The following RUNX1T1 variants were observed in gnomAD, a reference collection of about 807,000 sequenced individuals.
RUNX1T1 encodes protein CBFA2T1.
In RUNX1T1, 4 loss-of-function variants were observed where a neutral mutation model predicts 62.8. That is an observed-to-expected ratio of 0.06 (90% CI 0.03 to 0.15). RUNX1T1 has a LOEUF of 0.15. Among genes scored for constraint, RUNX1T1 ranks in the 10% least tolerant of loss-of-function variants. The pLI is 1.00. For missense variants in RUNX1T1, 508 were observed against 754.3 expected (o/e 0.67, Z 3.82); for synonymous variants, 291 against 286.0 (o/e 1.02, Z -0.18).
intron 5 of RUNX1T1, among the ~76,000 whole-genome samples, chr8:91,996,493 G>A (rs887268897): frequency 2.0e-5 from 3 of 152,138 alleles, no homozygotes; most frequent in African/African-American, 4.8e-5. Context: ...GAGCCACAGC[G>A]CCCGGCTTAT....
At chr8:92,011,056 T>C (rs752584853) in exon 4 of RUNX1T1, 1 of 1,610,660 alleles carries the variant, frequency 6.2e-7, no homozygotes, top group Admixed American at 1.7e-5. Flanking sequence ...CTTCTTGCAG[T>C]TTGGAATGAA....
chr8:92,039,811 G>C (rs1411188236), intron 1 of RUNX1T1, among the ~76,000 whole-genome samples: 1 of 152,042 alleles, frequency 6.6e-6, no homozygotes, highest in Non-Finnish European at 1.5e-5. Flanking sequence ...CTGATCATTG[G>C]AGCCCCTCAG....
exon 9 of RUNX1T1, chr8:91,975,914 T>G (rs200456510): frequency 6.2e-7 from 1 of 1,610,796 alleles, no homozygotes; most frequent in Admixed American, 1.7e-5. Flanking sequence ...CCAGCTTTCT[T>G]CCAGATCTCC....
chr8:92,055,765 G>T (rs1228930165), intron 1 of RUNX1T1, among the ~76,000 whole-genome samples: 1 of 152,186 alleles, frequency 6.6e-6, no homozygotes, highest in African/African-American at 2.4e-5. Flanking sequence ...ATATTGAATA[G>T]AAAGTTTAAC....
chr8:92,073,845 TG>T (rs1372942102), intron 2 of RUNX1T1, among the ~76,000 whole-genome samples: 1 of 152,136 alleles, frequency 6.6e-6, no homozygotes, highest in African/African-American at 2.4e-5. Flanking sequence ...TACAGGCATG[TG>T]CCATCACACT....
rs571404550 is a variant in RUNX1T1 at position 91,991,982 on chromosome 8, A to G, written c.660-93T>C. 87 of 1,356,982 alleles carry G rather than the reference A, an allele frequency of 6.4e-5. 1 individual carries two copies. The South Asian group carries it at 9.7e-4, about 15-fold the overall frequency. The allele number at this position is 1,356,982 out of a possible 1,614,324, so 84.1% of individuals were successfully genotyped here. On this transcript the variant is annotated intron_variant, in intron 5 of 10. Transcript: ENST00000396218. ...TATTTGAGCTTGGAATAAAAACAGA[A>G]TATTTTTTATTGGCCAGAAACCTTC... is the stretch of plus-strand genomic sequence containing the variant.
At chr8:91,990,602 A>G (rs759944084) in intron 6 of RUNX1T1, among the ~76,000 whole-genome samples, 3 of 151,804 alleles carry the variant, frequency 2.0e-5, no homozygotes, top group Non-Finnish European at 2.9e-5. Context: ...TTCATGGTAG[A>G]CATTTGTTCT....
rs1215197629 is a variant in RUNX1T1, at chr8:91,970,036, GTGTGTGT to G, written c.1458+615_1458+621del. On this transcript the variant is annotated intron_variant, in intron 10 of 10. Coordinates refer to ENST00000396218, the Ensembl canonical transcript of RUNX1T1. ...AGGCTAGCTGTGTGTGTGTGTGTGT[GTGTGTGT>G]TGTGTGTGTGTGTGTGAGAATTATT... Among the ~76,000 whole-genome samples, 5 of 54,516 alleles carry G rather than the reference GTGTGTGT, an allele frequency of 9.2e-5. No homozygotes were observed. The East Asian group carries it at 0.034, about 373-fold the overall frequency. The allele number at this position is 54,516 out of a possible 152,430, so 35.8% of individuals were successfully genotyped here.
At chr8:92,028,728 A>G (rs918742416) in intron 1 of RUNX1T1, among the ~76,000 whole-genome samples, 1 of 152,230 alleles carries the variant, frequency 6.6e-6, no homozygotes, top group African/African-American at 2.4e-5. Context: ...AAGGAAAACT[A>G]AGTTGCCCAA....
chr8:92,079,938 T>G (rs1052247578), intron 1 of RUNX1T1, among the ~76,000 whole-genome samples: 1 of 152,220 alleles, frequency 6.6e-6, no homozygotes, highest in African/African-American at 2.4e-5. Context: ...ACCTGACAGA[T>G]GATTTCCCCA....
chr8:92,061,465 T>C (rs998191497), intron 1 of RUNX1T1, among the ~76,000 whole-genome samples: 5 of 152,204 alleles, frequency 3.3e-5, no homozygotes, highest in Non-Finnish European at 7.3e-5. Flanking sequence ...TGTAAATTGA[T>C]TTTCCCCATA....
chr8:92,042,508 G>T (rs1828650004), intron 1 of RUNX1T1, among the ~76,000 whole-genome samples: 1 of 152,024 alleles, frequency 6.6e-6, no homozygotes, highest in African/African-American at 2.4e-5. Context: ...CTTTTGTAGA[G>T]ATGGTGTCTT....
chr8:91,970,823 G>C (rs755456014), exon 10 of RUNX1T1: 6 of 1,610,930 alleles, frequency 3.7e-6, no homozygotes, highest in Non-Finnish European at 2.5e-6. Flanking sequence ...TCATCGCCTG[G>C]CGCTTCACCT....
intron 1 of RUNX1T1, among the ~76,000 whole-genome samples, chr8:92,080,472 A>G (rs1266489854): frequency 6.6e-6 from 1 of 152,252 alleles, no homozygotes; most frequent in Non-Finnish European, 1.5e-5. Flanking sequence ...TCCCACACTG[A>G]GCAGCAGGAC....
intron 4 of RUNX1T1, 79 bp from the exon 6 acceptor site, chr8:92,005,376 C>G (rs1416095185): frequency 1.5e-6 from 2 of 1,307,136 alleles, no homozygotes; most frequent in African/African-American, 1.5e-5. Flanking sequence ...TTTTCGAACA[C>G]TGGAGAAGAG....
At chr8:92,095,095 C>A in intron 1 of RUNX1T1, 1 of 1,535,646 alleles carries the variant, frequency 6.5e-7, no homozygotes, top group South Asian at 1.2e-5. Flanking sequence ...TAGATGCCTC[C>A]TCCTCACCCC....
intron 1 of RUNX1T1, among the ~76,000 whole-genome samples, chr8:92,022,667 G>C (rs1824345660): frequency 6.6e-6 from 1 of 152,146 alleles, no homozygotes; most frequent in Admixed American, 6.5e-5. Context: ...TCAGTACCTT[G>C]ATTTTGCATT....
At chr8:92,033,913 G>A (rs961198160) in intron 1 of RUNX1T1, among the ~76,000 whole-genome samples, 3 of 151,884 alleles carry the variant, frequency 2.0e-5, no homozygotes, top group African/African-American at 7.3e-5. Flanking sequence ...AGGTTGCAGT[G>A]AGCTGAGACT....
intron 3 of RUNX1T1, 120 bp from the exon 5 acceptor site, chr8:92,011,211 A>G: frequency 1.7e-6 from 1 of 605,538 alleles, no homozygotes; most frequent in Non-Finnish European, 2.9e-6. Context: ...ATACTGACAG[A>G]AACCAGTATT....
Sources: allele counts gnomAD v4.1 joint callset (sites outside exome capture counted in the v4.1 genomes callset), GRCh38; gene constraint gnomAD v4.1.1; transcripts MANE v1.5; gene names NCBI Gene and HGNC (gene_info 2026-07-23, HGNC 2026-07-21).